IL1RAPL1: variants seen among roughly 807,000 people sequenced by gnomAD.
IL1RAPL1 encodes interleukin-1 receptor accessory protein-like 1.
Under a neutral mutation model 48.4 loss-of-function variants are expected in IL1RAPL1, and 3 were observed. The ratio of observed to expected loss-of-function variants is 0.06; its 90% CI spans 0.03 to 0.16. IL1RAPL1 has a LOEUF of 0.16. IL1RAPL1 is among the 10% of genes least tolerant of loss of function. The probability of loss-of-function intolerance (pLI) is 1.00; values close to 1 mark genes in which losing one functional copy is unlikely to be tolerated. For synonymous variants in IL1RAPL1, 185 were observed against 187.7 expected, an observed-to-expected ratio of 0.99 and a Z score of 0.12; for missense variants, 349 against 530.6, an observed-to-expected ratio of 0.66 and a Z score of 3.36.
intron 6 of IL1RAPL1, among the ~76,000 whole-genome samples, chrX:29,879,666 C>T (rs1442130222): frequency 1.8e-5 from 2 of 109,767 alleles, no homozygotes; most frequent in South Asian, 3.8e-4. Context: ...AAGCTATTTC[C>T]GTTTTAAAAA....
intron 2 of IL1RAPL1, among the ~76,000 whole-genome samples, chrX:28,836,062 G>A (rs1921198261): frequency 9.1e-6 from 1 of 110,274 alleles, no homozygotes; most frequent in African/African-American, 3.3e-5. Context: ...AAATGTTGAT[G>A]CCTAAAAGAC....
chrX:29,818,622 C>T (rs1930545588), intron 6 of IL1RAPL1, among the ~76,000 whole-genome samples: 2 of 111,731 alleles, frequency 1.8e-5, no homozygotes, highest in Admixed American at 9.5e-5. Context: ...TTATTAAGGA[C>T]GTTGGAGTAG....
At chrX:28,627,465 G>A (rs1333166769) in intron 1 of IL1RAPL1, among the ~76,000 whole-genome samples, 2 of 111,915 alleles carry the variant, frequency 1.8e-5, no homozygotes, top group Non-Finnish European at 3.8e-5. Flanking sequence ...TGCTTTAACA[G>A]CTTTACGGAA....
chrX:29,143,459 C>CTGTTT (rs1929285231), intron 2 of IL1RAPL1, among the ~76,000 whole-genome samples: 1 of 110,863 alleles, frequency 9.0e-6, no homozygotes, highest in Admixed American at 9.5e-5. Flanking sequence ...AGTTCAAAAA[C>CTGTTT]ATTAAACAGA....
intron 6 of IL1RAPL1, among the ~76,000 whole-genome samples, chrX:29,725,553 A>G (rs908885683): frequency 9.0e-6 from 1 of 111,120 alleles, no homozygotes; most frequent in Non-Finnish European, 1.9e-5. Context: ...TTAAATTGGA[A>G]TGTCTCCAGA....
At chrX:29,416,537 A>AAAAC (rs891493783) in intron 5 of IL1RAPL1, among the ~76,000 whole-genome samples, 10 of 111,144 alleles carry the variant, frequency 9.0e-5, no homozygotes, top group African/African-American at 1.6e-4. Flanking sequence ...ACTCCGTCTC[A>AAAAC]AAACAAACAA....
intron 1 of IL1RAPL1, among the ~76,000 whole-genome samples, chrX:28,788,489 C>A (rs1025516692): frequency 9.0e-6 from 1 of 110,822 alleles, no homozygotes; most frequent in South Asian, 3.8e-4. Context: ...TTTCTTCTTT[C>A]TTCTTCTTCC....
chrX:28,828,833 G>A (rs925472168), intron 2 of IL1RAPL1, among the ~76,000 whole-genome samples: 3 of 111,412 alleles, frequency 2.7e-5, no homozygotes, highest in Non-Finnish European at 5.7e-5. Flanking sequence ...ATTCTTGGTC[G>A]CTGGTAATTC....
At chrX:29,605,071 AACACACACACACACACACACACACACAC>A (rs757087732) in intron 5 of IL1RAPL1, among the ~76,000 whole-genome samples, 70 of 65,060 alleles carry the variant, frequency 1.1e-3, no homozygotes, top group African/African-American at 3.3e-3. Flanking sequence ...CTAAGTCTTA[AACACACACACACACACACACACACACAC>A]ACACACACAC....
At chrX:29,933,739 A>G (rs1448397801) in intron 8 of IL1RAPL1, among the ~76,000 whole-genome samples, 1 of 110,741 alleles carries the variant, frequency 9.0e-6, no homozygotes, top group Non-Finnish European at 1.9e-5. Context: ...ATAATAAACA[A>G]TAATACATTT....
chrX:28,713,245 AC>A (rs1361414173), intron 1 of IL1RAPL1, among the ~76,000 whole-genome samples: 1 of 109,580 alleles, frequency 9.1e-6, no homozygotes, highest in African/African-American at 3.3e-5. Context: ...TTCAGTAGAG[AC>A]GGGGTTTCAC....
chrX:29,111,931 T>TC (rs1379368085), intron 2 of IL1RAPL1, among the ~76,000 whole-genome samples: 2 of 88,645 alleles, frequency 2.3e-5, no homozygotes, highest in Non-Finnish European at 4.5e-5. Flanking sequence ...TTTTCTTTTT[T>TC]TTTTTTTTTT....
At chrX:29,538,674 C>G (rs1428658668) in intron 5 of IL1RAPL1, among the ~76,000 whole-genome samples, 1 of 108,676 alleles carries the variant, frequency 9.2e-6, no homozygotes, top group Non-Finnish European at 1.9e-5. Flanking sequence ...TTAGTAACCT[C>G]CCAAATTACC....
At chrX:29,443,599 C>G (rs1383832317) in intron 5 of IL1RAPL1, among the ~76,000 whole-genome samples, 1 of 111,631 alleles carries the variant, frequency 9.0e-6, no homozygotes, top group Non-Finnish European at 1.9e-5. Flanking sequence ...CAGGTTCTTA[C>G]CTCTGACTAA....
chrX:29,223,282 T>C (rs770333739), intron 2 of IL1RAPL1, among the ~76,000 whole-genome samples: 7 of 112,054 alleles, frequency 6.2e-5, no homozygotes, highest in Non-Finnish European at 1.3e-4. Context: ...TACACATATG[T>C]GTGTCTATTT....
intron 2 of IL1RAPL1, among the ~76,000 whole-genome samples, chrX:28,844,866 G>T (rs2147293773): frequency 8.9e-6 from 1 of 111,857 alleles, no homozygotes; most frequent in East Asian, 2.9e-4. Context: ...AGTTCTTATT[G>T]ATATTGTCTT....
intron 2 of IL1RAPL1, among the ~76,000 whole-genome samples, chrX:29,237,395 G>A (rs898841171): frequency 1.8e-5 from 2 of 112,507 alleles, no homozygotes; most frequent in African/African-American, 3.2e-5. Context: ...ATGAAATGCT[G>A]TAAGCCTTCA....
At chrX:29,782,002 T>A (rs1929348001) in intron 6 of IL1RAPL1, among the ~76,000 whole-genome samples, 1 of 111,366 alleles carries the variant, frequency 9.0e-6, no homozygotes, top group Non-Finnish European at 1.9e-5. Context: ...TATAATTTGA[T>A]CAATGCACTG....
chrX:28,660,677 C>T (rs1934811582), intron 1 of IL1RAPL1, among the ~76,000 whole-genome samples: 1 of 111,423 alleles, frequency 9.0e-6, no homozygotes, highest in African/African-American at 3.3e-5. Context: ...TCTATCTGCA[C>T]AGTTCTCAGG....
Sources: allele counts gnomAD v4.1 joint callset (sites outside exome capture counted in the v4.1 genomes callset), GRCh38; gene constraint gnomAD v4.1.1; transcripts MANE v1.5; gene names NCBI Gene and HGNC (gene_info 2026-07-23, HGNC 2026-07-21).